The following COLGALT2 variants were observed in gnomAD, a reference collection of about 807,000 sequenced individuals.
The protein encoded by COLGALT2 is procollagen galactosyltransferase 2.
COLGALT2 carries 49 observed loss-of-function variants against 73.4 expected under a neutral mutation model. That is an observed-to-expected ratio of 0.67 (90% CI 0.53 to 0.85). COLGALT2 has a LOEUF of 0.85. Among genes scored for constraint, COLGALT2 ranks in the 40% least tolerant of loss-of-function variants. COLGALT2 has a pLI of 0.00. For synonymous variants in COLGALT2, 295 were observed against 307.6 expected (o/e 0.96, Z 0.43); for missense variants, 722 against 790.2 (o/e 0.91, Z 1.03).
At chr1:183,996,106 G>C (rs1054639639) in intron 1 of COLGALT2, among the ~76,000 whole-genome samples, 1 of 151,946 alleles carries the variant, frequency 6.6e-6, no homozygotes, top group Admixed American at 6.6e-5. Context: ...TGCCTTGTAC[G>C]CTGCCAGGCC....
intron 11 of COLGALT2, chr1:183,930,407 T>C (rs1460371512): frequency 2.5e-6 from 1 of 398,422 alleles, no homozygotes; most frequent in African/African-American, 2.1e-5. Context: ...TTTAATTTTA[T>C]TTTTTGGACA....
At chr1:184,023,640 A>AG (rs1649240819) in intron 1 of COLGALT2, among the ~76,000 whole-genome samples, 1 of 28,014 alleles carries the variant, frequency 3.6e-5, no homozygotes, top group African/African-American at 1.4e-4. Flanking sequence ...AAAGTGCGTG[A>AG]GGTGGGGGGG....
At chr1:183,962,150 C>CTTTCTTTTT (rs1670722389) in intron 6 of COLGALT2, among the ~76,000 whole-genome samples, 2 of 102,770 alleles carry the variant, frequency 1.9e-5, no homozygotes, top group Non-Finnish European at 1.9e-5. Flanking sequence ...TTCTTTTTCT[C>CTTTCTTTTT]TTTCTTTTTT....
chr1:184,031,741 T>C (rs13376315), intron 1 of COLGALT2, among the ~76,000 whole-genome samples: 9,999 of 152,158 alleles, frequency 0.066, 566 homozygotes, highest in African/African-American at 0.15. Context: ...TGTAATGGCA[T>C]CTCCCACCTA....
At chr1:183,951,163 T>C (rs766718583) in intron 7 of COLGALT2, 50 bp from the exon 8 acceptor site, 3 of 1,314,804 alleles carry the variant, frequency 2.3e-6, no homozygotes, top group Non-Finnish European at 3.3e-6. Flanking sequence ...TCAAGTCTTC[T>C]TTTAGGCTGT....
chr1:184,006,237 G>T (rs1672076410), intron 1 of COLGALT2, among the ~76,000 whole-genome samples: 1 of 152,032 alleles, frequency 6.6e-6, no homozygotes, highest in Non-Finnish European at 1.5e-5. Context: ...TGAATATTCG[G>T]TTCATAAATC....
intron 1 of COLGALT2, among the ~76,000 whole-genome samples, chr1:184,034,113 T>C (rs888883993): frequency 6.6e-6 from 1 of 152,142 alleles, no homozygotes; most frequent in African/African-American, 2.4e-5. Context: ...CAGAGTGTTA[T>C]ATCTCATAAG....
intron 6 of COLGALT2, among the ~76,000 whole-genome samples, chr1:183,961,191 T>C (rs112264146): frequency 5.0e-4 from 76 of 152,334 alleles, no homozygotes; most frequent in African/African-American, 1.8e-3. Context: ...ATATGTAAAG[T>C]GCTTAGCACT....
At chr1:183,984,756 T>A (rs903444581) in intron 1 of COLGALT2, among the ~76,000 whole-genome samples, 1 of 152,214 alleles carries the variant, frequency 6.6e-6, no homozygotes, top group Admixed American at 6.5e-5. Flanking sequence ...TTGGTTCCTA[T>A]TTCCCCTTCT....
intron 8 of COLGALT2, chr1:183,945,829 T>A: frequency 2.1e-6 from 1 of 485,388 alleles, no homozygotes; most frequent in Non-Finnish European, 3.7e-6. Flanking sequence ...TTGACAAGAT[T>A]TAATAAGTAC....
At chr1:183,982,413 G>A (rs1003918193) in intron 1 of COLGALT2, among the ~76,000 whole-genome samples, 2 of 152,158 alleles carry the variant, frequency 1.3e-5, no homozygotes, top group African/African-American at 4.8e-5. Context: ...TCCAGGGTAC[G>A]CCATGAAGAG....
At chr1:183,990,176 G>A (rs985950001) in intron 1 of COLGALT2, among the ~76,000 whole-genome samples, 1 of 152,178 alleles carries the variant, frequency 6.6e-6, no homozygotes, top group Non-Finnish European at 1.5e-5. Context: ...ATGACTGTCC[G>A]GCTTAAAGAG....
chr1:183,986,441 G>A (rs564657935), intron 1 of COLGALT2, among the ~76,000 whole-genome samples: 5 of 152,144 alleles, frequency 3.3e-5, no homozygotes, highest in East Asian at 1.9e-4. Flanking sequence ...TCATAGACAC[G>A]ACACACCTGA....
chr1:183,989,494 G>A (rs1019680942), intron 1 of COLGALT2, among the ~76,000 whole-genome samples: 1 of 152,196 alleles, frequency 6.6e-6, no homozygotes, highest in African/African-American at 2.4e-5. Context: ...CTATTCTCTG[G>A]AGGAGAACTG....
chr1:183,937,950 G>C lies in COLGALT2; in HGVS notation c.*811C>G, dbSNP rs1243943666. On this transcript the variant is annotated 3_prime_UTR_variant, in exon 12 of 12. Transcript: ENST00000361927. The stretch of plus-strand genomic sequence containing the variant: ...CGGGACAGGGCAGGATGCACAGCCA[G>C]TCCTCACCCTTTATATATTACATTT... 1.0e-6 allele frequency: 1 copy of C among 985,266 alleles called. No homozygotes were observed. The highest frequency in any genetic ancestry group is 1.7e-5 in the African/African-American group (1 of 57,218). The allele number at this position is 985,266 out of a possible 1,614,324, so 61.0% of individuals were successfully genotyped here.
intron 6 of COLGALT2, among the ~76,000 whole-genome samples, chr1:183,957,818 G>C (rs1171226667): frequency 7.2e-6 from 1 of 138,982 alleles, no homozygotes; most frequent in Non-Finnish European, 1.5e-5. Context: ...AAGAAACTGA[G>C]ACCAAGCCAG....
At chr1:183,976,537 C>T (rs1390829671) in intron 2 of COLGALT2, among the ~76,000 whole-genome samples, 1 of 151,954 alleles carries the variant, frequency 6.6e-6, no homozygotes, top group Non-Finnish European at 1.5e-5. Flanking sequence ...TCTATTTCTA[C>T]AGTTCCTTAA....
chr1:183,943,137 T>A (rs1670159130), intron 10 of COLGALT2, among the ~76,000 whole-genome samples: 1 of 152,208 alleles, frequency 6.6e-6, no homozygotes, highest in Admixed American at 6.5e-5. Context: ...ATGACTGAAA[T>A]CTGACAGGGC....
At chr1:183,956,335 T>C (rs576809762) in intron 6 of COLGALT2, among the ~76,000 whole-genome samples, 1 of 152,334 alleles carries the variant, frequency 6.6e-6, no homozygotes, top group African/African-American at 2.4e-5. Context: ...TACTTCAAAC[T>C]TGACACTTAC....
Sources: gnomAD v4.1 joint callset for allele counts (sites outside exome capture counted in the v4.1 genomes callset) on GRCh38, gnomAD v4.1.1 for gene constraint, MANE v1.5 for transcripts, NCBI Gene and HGNC (gene_info 2026-07-23, HGNC 2026-07-21) for gene names.